The following FOXK2 variants were observed in gnomAD, a reference collection of about 807,000 sequenced individuals.
FOXK2 encodes forkhead box protein K2.
A neutral mutation model predicts 53.3 loss-of-function variants in FOXK2; 24 were observed. The observed-to-expected ratio is 0.45, with a 90% CI of 0.33 to 0.63. FOXK2 has a LOEUF of 0.63. Ranked by LOEUF, FOXK2 falls within the 30% of genes least tolerant of loss-of-function variation. The pLI is 0.03. For synonymous variants in FOXK2, 505 were observed against 407.1 expected, an observed-to-expected ratio of 1.24 and a Z score of -2.89; for missense variants, 952 against 910.5, an observed-to-expected ratio of 1.05 and a Z score of -0.59.
At chr17:82,562,195 T>C (rs1567974882) in intron 1 of FOXK2, among the ~76,000 whole-genome samples, 3 of 152,158 alleles carry the variant, frequency 2.0e-5, no homozygotes, top group African/African-American at 7.2e-5. Flanking sequence ...TGAACCAGAG[T>C]GTTCACTGCA....
rs760112646 is a variant in FOXK2 at position 82,602,139 on chromosome 17, G to A, written c.*640G>A. On this transcript the variant is annotated 3_prime_UTR_variant, in exon 9 of 9. Transcript: ENST00000335255. ...GCTACTCTGGCATCTGCACATTTCC[G>A]TGTTACAGCAGCTGCCTGATGAATT... is the stretch of plus-strand genomic sequence containing the variant. 3.9e-5 allele frequency: 6 copies of A among 152,218 alleles called. No homozygotes were observed. Among genetic ancestry groups the A allele is most frequent in the Admixed American group, 2.0e-4 (3 of 15,272 alleles). 9.4% of individuals were successfully genotyped at this position (152,218 alleles called of 1,614,324 possible).
intron 6 of FOXK2, among the ~76,000 whole-genome samples, chr17:82,584,977 T>C (rs568004791): frequency 1.3e-5 from 2 of 152,392 alleles, no homozygotes; most frequent in African/African-American, 4.8e-5. Context: ...CCAAACTGTC[T>C]GTTACAGTTG....
chr17:82,556,689 T>A (rs1458407225), intron 1 of FOXK2, among the ~76,000 whole-genome samples: 1 of 151,400 alleles, frequency 6.6e-6, no homozygotes, highest in Non-Finnish European at 1.5e-5. Flanking sequence ...TTCCTGCCTC[T>A]TTTTTTTATT....
chr17:82,543,191 TA>T (rs2044590878), intron 1 of FOXK2, among the ~76,000 whole-genome samples: 1 of 151,174 alleles, frequency 6.6e-6, no homozygotes, highest in South Asian at 2.1e-4. Flanking sequence ...CAACTATTTT[TA>T]AATGCTTAGT....
chr17:82,568,013 A>G lies in FOXK2; in HGVS notation c.615-41A>G. The G allele has an allele frequency of 2.0e-6, 3 of 1,536,150 alleles. 1 individual carries two copies. Among genetic ancestry groups the G allele is most frequent in the Middle Eastern group, 3.4e-4 (2 of 5,816 alleles). On this transcript the variant is annotated intron_variant, in intron 2 of 8. Coordinates refer to ENST00000335255, the MANE Select transcript of FOXK2 (RefSeq NM_004514.4). ...TGCTGAAGCACAGTAGGATGCGTGC[A>G]CTGTGATAGACTAATAGGAACAACT... is the stretch of plus-strand genomic sequence containing the variant.
At chr17:82,577,507 T>C in intron 4 of FOXK2, 1 of 277,626 alleles carries the variant, frequency 3.6e-6, no homozygotes. Flanking sequence ...CACTGCCCAG[T>C]CAGGGCAGCA....
intron 1 of FOXK2, among the ~76,000 whole-genome samples, chr17:82,521,160 C>CAA (rs1317133749): frequency 1.3e-5 from 2 of 151,646 alleles, no homozygotes; most frequent in African/African-American, 4.8e-5. Flanking sequence ...TTTGTCCACA[C>CAA]AAACTGGAAT....
chr17:82,580,519 G>A (rs1173089432), intron 4 of FOXK2, among the ~76,000 whole-genome samples: 3 of 14,802 alleles, frequency 2.0e-4, no homozygotes, highest in Admixed American at 5.9e-4. Flanking sequence ...CATGTCACCC[G>A]TGAAGTAGCT....
At chr17:82,563,272 A>G (rs1266506662) in intron 1 of FOXK2, 82 bp from the exon 2 acceptor site, 2 of 1,324,788 alleles carry the variant, frequency 1.5e-6, no homozygotes, top group African/African-American at 1.5e-5. Flanking sequence ...CAGCTGCTCC[A>G]GTGTTGTGGG....
intron 1 of FOXK2, among the ~76,000 whole-genome samples, chr17:82,552,093 G>T (rs533083171): frequency 6.6e-6 from 1 of 152,302 alleles, no homozygotes; most frequent in African/African-American, 2.4e-5. Flanking sequence ...CTCCATGTCC[G>T]CACTCCCCTC....
At chr17:82,551,206 A>C (rs963973704) in intron 1 of FOXK2, among the ~76,000 whole-genome samples, 1 of 151,836 alleles carries the variant, frequency 6.6e-6, no homozygotes, top group Non-Finnish European at 1.5e-5. Context: ...AGTCCTAGCT[A>C]CTCGGGAGGC....
Position 82,602,433 on chromosome 17 carries a change from T to C in FOXK2, c.*934T>C, listed in dbSNP as rs758081138. The C allele has an allele frequency of 6.6e-6, 1 of 152,274 alleles. No individual in the cohort carries two copies. Among genetic ancestry groups the C allele is most frequent in the Non-Finnish European group, 1.5e-5 (1 of 68,054 alleles). The allele number at this position is 152,274 out of a possible 1,614,324, so 9.4% of individuals were successfully genotyped here. A position where few individuals can be genotyped will look rare whatever the true frequency, so the allele number is the denominator to read the frequency against. ...AACGACAGAACCATTTCTACTTCAT[T>C]TGGAAAAAGATTCAGTCTTTTATCA... On this transcript the variant is annotated 3_prime_UTR_variant, in exon 9 of 9. Coordinates refer to ENST00000335255, the MANE Select transcript of FOXK2 (RefSeq NM_004514.4).
At chr17:82,520,832 T>TA (rs2044354210) in intron 1 of FOXK2, among the ~76,000 whole-genome samples, 5 of 152,348 alleles carry the variant, frequency 3.3e-5, no homozygotes, top group African/African-American at 4.8e-5. Flanking sequence ...TTCCCTGCCG[T>TA]GTTTTCAGTA....
At chr17:82,593,440 C>T (rs2045276909) in intron 8 of FOXK2, 1 of 152,518 alleles carries the variant, frequency 6.6e-6, no homozygotes, top group Non-Finnish European at 1.5e-5. Context: ...CCCCGCGCCC[C>T]CCTGGCGGAG....
chr17:82,597,186 T>C (rs1421415827), intron 8 of FOXK2, among the ~76,000 whole-genome samples: 3 of 152,208 alleles, frequency 2.0e-5, no homozygotes, highest in Admixed American at 6.5e-5. Context: ...TGGTCCTTCC[T>C]GGCACCATGT....
chr17:82,601,104 G>A, intron 8 of FOXK2, 199 bp from the exon 9 acceptor site: 1 of 558,718 alleles, frequency 1.8e-6, no homozygotes, highest in East Asian at 2.9e-5. Context: ...AGGCTCCTGT[G>A]CCCTTGGCCA....
intron 1 of FOXK2, among the ~76,000 whole-genome samples, chr17:82,552,849 C>T (rs941469491): frequency 6.6e-5 from 10 of 152,182 alleles, no homozygotes; most frequent in South Asian, 2.1e-4. Context: ...AGCGTCTCCG[C>T]GTGCTCTGCA....
At chr17:82,579,768 A>G (rs1256615060) in intron 4 of FOXK2, among the ~76,000 whole-genome samples, 8 of 51,350 alleles carry the variant, frequency 1.6e-4, no homozygotes, top group African/African-American at 5.6e-4. Context: ...CTCCATCCAC[A>G]GGGCCCAGAT....
chr17:82,561,911 G>C (rs984022521), intron 1 of FOXK2, among the ~76,000 whole-genome samples: 26 of 152,204 alleles, frequency 1.7e-4, no homozygotes, highest in South Asian at 6.2e-4. Flanking sequence ...CTGTTGGGGG[G>C]GGGGGGTGCC....
Sources: gnomAD v4.1 joint callset for allele counts (sites outside exome capture counted in the v4.1 genomes callset) on GRCh38, gnomAD v4.1.1 for gene constraint, MANE v1.5 for transcripts, NCBI Gene and HGNC (gene_info 2026-07-23, HGNC 2026-07-21) for gene names.